FBXO16: variants seen among roughly 807,000 people sequenced by gnomAD.
FBXO16 encodes the protein F-box only protein 16.
Under a neutral mutation model 41.0 loss-of-function variants are expected in FBXO16, and 31 were observed. That is an observed-to-expected ratio of 0.76 (90% CI 0.57 to 1.02). The LOEUF is 1.02. FBXO16 is among the 50% of genes least tolerant of loss of function. The probability of loss-of-function intolerance (pLI) is 0.00; values close to 1 mark genes in which losing one functional copy is unlikely to be tolerated. For synonymous variants in FBXO16, 133 were observed against 117.8 expected (o/e 1.13, Z -0.84); for missense variants, 361 against 346.2 (o/e 1.04, Z -0.34).
Position 28,447,185 on chromosome 8 carries a change from T to C in FBXO16, c.829A>G (p.Lys277Glu). The C allele has an allele frequency of 6.2e-7, 1 of 1,613,542 alleles. No individual in the cohort carries two copies. Residue 277 changes from lysine to glutamate, a missense_variant, in exon 7 of 9, where the codon AAA becomes GAA. Lys to Glu is a moderately conservative substitution (Grantham distance 56, BLOSUM62 1). Transcript: ENST00000380254. ...NKLQDRTRLR[K>E]AQSMMSRRNP... ...ACAATACTTACCATTGATTGTGCTT[T>C]TCTTAGCCTAGTTCTGTCCTGCAAT...
chr8:28,483,250 C>T, intron 2 of FBXO16, 98 bp downstream of exon 2: 1 of 1,149,898 alleles, frequency 8.7e-7, no homozygotes, highest in Non-Finnish European at 1.2e-6. Context: ...ATTACACAAT[C>T]TTAAATAATC....
chr8:28,456,524 G>C (rs529259736), intron 5 of FBXO16: 1 of 401,624 alleles, frequency 2.5e-6, no homozygotes. Context: ...AGAGAAAGAA[G>C]TTCCATGGTC....
At chr8:28,453,005 A>T (rs1466403993) in intron 5 of FBXO16, among the ~76,000 whole-genome samples, 1 of 152,132 alleles carries the variant, frequency 6.6e-6, no homozygotes, top group Non-Finnish European at 1.5e-5. Flanking sequence ...CACGATCACC[A>T]TTACCATGGT....
chr8:28,482,467 C>T (rs1803529888), intron 2 of FBXO16, among the ~76,000 whole-genome samples: 2 of 152,194 alleles, frequency 1.3e-5, no homozygotes, highest in South Asian at 2.1e-4. Flanking sequence ...CCCCTAGAGG[C>T]TGGTCAGTCT....
intron 7 of FBXO16, among the ~76,000 whole-genome samples, chr8:28,437,441 G>A (rs776181911): frequency 1.3e-5 from 2 of 152,210 alleles, no homozygotes; most frequent in Non-Finnish European, 2.9e-5. Context: ...TTCCCAGGGA[G>A]GCTTATTCAT....
At position 28,479,384 on chromosome 8, in the gene FBXO16, G is replaced by A. The variant is rs575356979; in HGVS notation, c.99+3964C>T. 1.2e-4 allele frequency among the ~76,000 whole-genome samples: 18 copies of A among 152,272 alleles called. 1 individual carries two copies. The East Asian group carries it at 3.5e-3, about 29-fold the overall frequency. On this transcript the variant is annotated intron_variant, in intron 2 of 8. Coordinates refer to ENST00000380254, the MANE Select transcript of FBXO16 (RefSeq NM_172366.4). The stretch of plus-strand genomic sequence containing the variant: ...GCTCTACATGCTAATCTCCGAATCA[G>A]CTTCTCTAAAAATCGAATTGCAAGA...
In FBXO16 at chr8:28,447,252, C is replaced by T. The variant is rs1390963; in HGVS notation, c.762G>A (p.Met254Ile). ...VQQGRRKRNQ[M>I]TPDFSRQSHD... ...GTGACTGTCGGCTGAAGTCTGGGGT[C>T]ATTTGGTTTCTTTTTCTTCTTCTGT... Residue 254 changes from methionine to isoleucine, a missense_variant, in exon 7 of 9, where the codon ATG becomes ATA. Met to Ile is a conservative substitution (Grantham distance 10). Transcript: ENST00000380254. 0.38 allele frequency: 607,398 copies of T among 1,610,310 alleles called. 118,881 individuals carry two copies. The highest frequency in any genetic ancestry group is 0.56 in the African/African-American group (41,805 of 74,752).
chr8:28,480,628 C>T (rs911052581), intron 2 of FBXO16, among the ~76,000 whole-genome samples: 3 of 152,034 alleles, frequency 2.0e-5, no homozygotes, highest in Admixed American at 6.6e-5. Flanking sequence ...CTCAGCCTCC[C>T]GAGAAGCTGG....
At chr8:28,438,016 G>A (rs1325208722) in intron 7 of FBXO16, among the ~76,000 whole-genome samples, 1 of 152,126 alleles carries the variant, frequency 6.6e-6, no homozygotes, top group African/African-American at 2.4e-5. Context: ...TTCTTACACA[G>A]TGGAAACTGA....
intron 3 of FBXO16, among the ~76,000 whole-genome samples, 162 bp downstream of exon 3, chr8:28,473,610 G>T (rs556624086): frequency 6.6e-6 from 1 of 152,128 alleles, no homozygotes; most frequent in African/African-American, 2.4e-5. Flanking sequence ...CTAAGCCTCC[G>T]GAACCATGAA....
At chr8:28,488,601 C>T (rs73230953) in intron 1 of FBXO16, among the ~76,000 whole-genome samples, 7,720 of 152,150 alleles carry the variant, frequency 0.051, 285 homozygotes, top group Middle Eastern at 0.088. Context: ...CTACCTCCTG[C>T]CTTAAGCCAT....
At chr8:28,441,685 G>A (rs187149283) in intron 7 of FBXO16, among the ~76,000 whole-genome samples, 10 of 147,330 alleles carry the variant, frequency 6.8e-5, no homozygotes, top group Admixed American at 4.8e-4. Flanking sequence ...GCAGTGAGCC[G>A]AGATCGCGCC....
intron 1 of FBXO16, among the ~76,000 whole-genome samples, chr8:28,484,743 C>T (rs1271101910): frequency 6.6e-6 from 1 of 151,806 alleles, no homozygotes; most frequent in Non-Finnish European, 1.5e-5. Flanking sequence ...AGGCGCCCGC[C>T]ATCACGCCCA....
At chr8:28,459,738 C>A (rs1393908238) in intron 4 of FBXO16, among the ~76,000 whole-genome samples, 2 of 151,386 alleles carry the variant, frequency 1.3e-5, no homozygotes, top group African/African-American at 4.9e-5. Context: ...TTTAAAAAAT[C>A]ATTTCAGGCC....
Position 28,437,450 on chromosome 8 carries a change from A to G in FBXO16, c.844-8047T>C, listed in dbSNP as rs76933208. ...GGATTCTTCCCAGGGAGGCTTATTC[A>G]TCTTTTAGGTATCAAAAATTAACAA... On this transcript the variant is annotated intron_variant, in intron 7 of 8. Coordinates refer to ENST00000380254, the MANE Select transcript of FBXO16 (RefSeq NM_172366.4). Among the ~76,000 whole-genome samples, 187 of 152,340 alleles carry G rather than the reference A, an allele frequency of 1.2e-3. 4 individuals carry two copies. In the East Asian group the frequency reaches 0.034, roughly 28 times the overall value.
intron 1 of FBXO16, among the ~76,000 whole-genome samples, chr8:28,488,184 A>T (rs546848791): frequency 6.6e-6 from 1 of 152,138 alleles, no homozygotes; most frequent in Non-Finnish European, 1.5e-5. Context: ...TAGAATTAAA[A>T]TACAGAAAGA....
chr8:28,458,332 G>A (rs1803069292), intron 4 of FBXO16, among the ~76,000 whole-genome samples: 1 of 152,098 alleles, frequency 6.6e-6, no homozygotes, highest in South Asian at 2.1e-4. Context: ...GAAAGGTTAG[G>A]GAAGGAGGAA....
chr8:28,468,551 T>C (rs1344382094), intron 3 of FBXO16, among the ~76,000 whole-genome samples: 2 of 152,156 alleles, frequency 1.3e-5, no homozygotes, highest in Non-Finnish European at 2.9e-5. Flanking sequence ...CAAACAGGGC[T>C]GGGCGAGGTG....
At chr8:28,451,769 G>A (rs1308793824) in intron 6 of FBXO16, among the ~76,000 whole-genome samples, 1 of 151,948 alleles carries the variant, frequency 6.6e-6, no homozygotes, top group Non-Finnish European at 1.5e-5. Flanking sequence ...GATCACCTGA[G>A]GTCAGGAGTT....
Sources: allele counts gnomAD v4.1 joint callset (sites outside exome capture counted in the v4.1 genomes callset), GRCh38; gene constraint gnomAD v4.1.1; transcripts MANE v1.5; gene names NCBI Gene and HGNC (gene_info 2026-07-23, HGNC 2026-07-21).